Variants in IL16 observed in about 807,000 individuals in gnomAD.
The protein encoded by IL16 is pro-interleukin-16.
In IL16, 67 loss-of-function variants were observed where a neutral mutation model predicts 110.1. The ratio of observed to expected loss-of-function variants is 0.61; its 90% CI spans 0.50 to 0.75. IL16 has a LOEUF of 0.75. Ranked by LOEUF, IL16 falls within the 30% of genes least tolerant of loss-of-function variation. The probability of loss-of-function intolerance (pLI) is 0.00; values close to 1 mark genes in which losing one functional copy is unlikely to be tolerated. For synonymous variants in IL16, 689 were observed against 662.9 expected (o/e 1.04, Z -0.61); for missense variants, 1,545 against 1,655.0 (o/e 0.93, Z 1.15).
intron 2 of IL16, among the ~76,000 whole-genome samples, chr15:81,231,210 A>G (rs1387924965): frequency 3.3e-5 from 5 of 151,794 alleles, no homozygotes; most frequent in Non-Finnish European, 7.4e-5. Context: ...ATAACATAAC[A>G]ATACCTTGTC....
In IL16 at chr15:81,305,994, T is replaced by C; in HGVS notation, c.3507T>C (p.Ser1169=). ...AGGTTCTTTCCATCAACGGCAAGTC[T>C]CTCAAGGGGACCACGCACCATGATG... ...GNEVLSINGK[S]LKGTTHHDAL... The change falls in exon 17 of 19, where the codon TCT becomes TCC. Residue 1169 remains serine (S), a synonymous_variant. Transcript: ENST00000683961. 1 of 1,614,138 alleles carries C rather than the reference T, an allele frequency of 6.2e-7. No homozygotes were observed. Among genetic ancestry groups the C allele is most frequent in the Middle Eastern group, 1.6e-4 (1 of 6,062 alleles).
At chr15:81,304,427 T>C (rs1900448038) in intron 16 of IL16, among the ~76,000 whole-genome samples, 1 of 152,188 alleles carries the variant, frequency 6.6e-6, no homozygotes, top group Non-Finnish European at 1.5e-5. Flanking sequence ...CCAGTCACCC[T>C]TGAGACACTG....
intron 12 of IL16, 147 bp downstream of exon 12, chr15:81,293,184 A>G: frequency 3.5e-6 from 3 of 855,842 alleles, no homozygotes; most frequent in Non-Finnish European, 5.3e-6. Flanking sequence ...GACTCAGCTG[A>G]GGACTGACCA....
chr15:81,233,623 C>CA (rs537501895), intron 2 of IL16, among the ~76,000 whole-genome samples: 2 of 151,456 alleles, frequency 1.3e-5, no homozygotes, highest in South Asian at 2.1e-4. Context: ...TATATACACA[C>CA]AAAAAATGTG....
In IL16 at chr15:81,299,524, A is replaced by T; in HGVS notation, c.2198A>T (p.His733Leu). ...NLFSPIMSEN[H>L]GHMPLQPNAS... ...TTTAGCCCCATCATGAGTGAGAACCATGGCCACATGCCTCTACAGCCCAAT... is the reference window on the plus strand; with the variant it reads ...TTTAGCCCCATCATGAGTGAGAACCTTGGCCACATGCCTCTACAGCCCAAT... Residue 733 changes from histidine (H) to leucine (L), a missense_variant, in exon 14 of 19, where the codon CAT becomes CTT. His to Leu is a moderately conservative substitution (Grantham distance 99). Transcript: ENST00000683961. 6.2e-7 allele frequency: 1 copy of T among 1,614,206 alleles called. No homozygotes were observed. Among genetic ancestry groups the T allele is most frequent in the Non-Finnish European group, 8.5e-7 (1 of 1,180,036 alleles).
intron 12 of IL16, chr15:81,295,524 A>G: frequency 7.8e-7 from 1 of 1,288,176 alleles, no homozygotes; most frequent in Non-Finnish European, 1.0e-6. Flanking sequence ...CAACCAGGTG[A>G]AATTAAATTT....
At chr15:81,187,082 T>G (rs2141911980) in intron 1 of IL16, among the ~76,000 whole-genome samples, 1 of 152,320 alleles carries the variant, frequency 6.6e-6, no homozygotes, top group South Asian at 2.1e-4. Flanking sequence ...ATAGGTGATC[T>G]CCCTTTGGAG....
intron 1 of IL16, among the ~76,000 whole-genome samples, chr15:81,202,804 T>C (rs1895868817): frequency 6.6e-6 from 1 of 152,228 alleles, no homozygotes; most frequent in Admixed American, 6.5e-5. Context: ...TGTGTCTTTA[T>C]AGCAGCATGA....
Position 81,292,941 on chromosome 15 carries a change from A to G in IL16, c.1806A>G (p.Arg602=), listed in dbSNP as rs548090481. The G allele has an allele frequency of 2.7e-5, 44 of 1,614,188 alleles. No homozygotes were observed. The East Asian group carries it at 7.1e-4, about 26-fold the overall frequency. The part of the protein sequence containing the change: ...PMSSKPKPPP[R]KYFKSDSDPQ... ...CCTCCAAGCCCAAGCCTCCACCCAG[A>G]AAATACTTTAAAAGTGACAGTGACC... The change falls in exon 12 of 19, where the codon AGA becomes AGG. Residue 602 remains arginine (R), a synonymous_variant. Transcript: ENST00000683961.
upstream of IL16, among the ~76,000 whole-genome samples, chr15:81,193,298 C>CT (rs953453626): frequency 1.4e-4 from 21 of 151,714 alleles, no homozygotes; most frequent in South Asian, 6.3e-4. Flanking sequence ...GGCAGTGTTC[C>CT]TTTTTTTTGC....
chr15:81,294,449 T>C (rs958787471), intron 12 of IL16, among the ~76,000 whole-genome samples: 5 of 152,166 alleles, frequency 3.3e-5, no homozygotes, highest in Non-Finnish European at 5.9e-5. Context: ...TCTGTCCCAG[T>C]GATGCCCTTG....
At chr15:81,206,273 A>G (rs904624788) in intron 1 of IL16, among the ~76,000 whole-genome samples, 4 of 152,292 alleles carry the variant, frequency 2.6e-5, no homozygotes, top group African/African-American at 7.2e-5. Flanking sequence ...CCCCAAGGCT[A>G]TATGGTATTG....
chr15:81,212,904 A>G (rs958884871), intron 1 of IL16, among the ~76,000 whole-genome samples: 10 of 152,044 alleles, frequency 6.6e-5, no homozygotes, highest in Admixed American at 6.6e-4. Flanking sequence ...AATTCTATTT[A>G]TATCTTTCCT....
At position 81,225,541 on chromosome 15, in the gene IL16, T is replaced by G. The variant is rs766454583; in HGVS notation, c.142T>G (p.Ser48Ala). The G allele has an allele frequency of 3.1e-6, 5 of 1,614,014 alleles. No individual in the cohort carries two copies. The highest frequency in any genetic ancestry group is 1.3e-5 in the African/African-American group (1 of 74,914). The change falls in exon 2 of 19, where the codon TCC becomes GCC. Residue 48 changes from serine (S) to alanine (A), a missense_variant. By Grantham distance (99) the Ser-to-Ala change is moderately conservative (BLOSUM62 1). Around this residue, in one of 3 missense-constraint regions of IL16, gnomAD observed 1,185 missense variants for 1,238.8 expected, o/e 0.96. Coordinates refer to ENST00000683961, the MANE Select transcript of IL16 (RefSeq NM_172217.5). ...DEKYPDPFEI[S>A]LAQGKEGIFH... ...GAAATATCCTGATCCCTTTGAGATT[T>G]CCTTGGCCCAGGGCAAGGAGGGAAT...
chr15:81,238,014 C>T (rs933083246), intron 2 of IL16, among the ~76,000 whole-genome samples: 1 of 152,132 alleles, frequency 6.6e-6, no homozygotes, highest in African/African-American at 2.4e-5. Flanking sequence ...AAGCAATTCT[C>T]TGCCTCAGCC....
intron 1 of IL16, among the ~76,000 whole-genome samples, chr15:81,217,216 C>A (rs181303590): frequency 2.9e-4 from 44 of 152,172 alleles, no homozygotes; most frequent in African/African-American, 9.6e-4. Context: ...AACAGAAATG[C>A]AGAGCACTGG....
chr15:81,298,636 G>T (rs2141603641), intron 13 of IL16, among the ~76,000 whole-genome samples: 1 of 152,348 alleles, frequency 6.6e-6, no homozygotes, highest in African/African-American at 2.4e-5. Context: ...ATGTAGCCAA[G>T]GTGGAGAATC....
At chr15:81,222,972 G>A (rs1896669825) in intron 1 of IL16, among the ~76,000 whole-genome samples, 1 of 152,182 alleles carries the variant, frequency 6.6e-6, no homozygotes, top group African/African-American at 2.4e-5. Flanking sequence ...TTCACAATTT[G>A]CATTTGGAAG....
In IL16 at chr15:81,225,631, G is replaced by A. The variant is rs199723975; in HGVS notation, c.232G>A (p.Ala78Thr). Residue 78 changes from alanine (A) to threonine (T), a missense_variant, in exon 2 of 19, where the codon GCA becomes ACA. Around this residue, in one of 3 missense-constraint regions of IL16, gnomAD observed 1,185 missense variants for 1,238.8 expected, o/e 0.96. Transcript: ENST00000683961. ...TGGGCCCAGCAGTGTTCCTGATCTA[G>A]CACTGGCCTCGGAGGCTGCTCAACT... ...EAGPSSVPDL[A>T]LASEAAQLQA... 3.8e-4 allele frequency: 607 copies of A among 1,614,096 alleles called. 4 individuals carry two copies. In the African/African-American group the frequency reaches 7.5e-3, roughly 20 times the overall value.
Sources: gnomAD v4.1 joint callset for allele counts (sites outside exome capture counted in the v4.1 genomes callset) on GRCh38, gnomAD v4.1.1 for gene constraint, gnomAD v4.1.1 regional missense constraint, MANE v1.5 for transcripts, NCBI Gene and HGNC (gene_info 2026-07-23, HGNC 2026-07-21) for gene names.